Variants in RAPGEF1 observed in about 807,000 individuals in gnomAD.
The protein encoded by RAPGEF1 is Rap guanine nucleotide exchange factor 1, also known as CRK SH3-binding GNRP.
A neutral mutation model predicts 143.3 loss-of-function variants in RAPGEF1; 33 were observed. The ratio of observed to expected loss-of-function variants is 0.23; its 90% CI spans 0.17 to 0.31. The LOEUF is 0.31. Among genes scored for constraint, RAPGEF1 ranks in the 10% least tolerant of loss-of-function variants. The pLI is 1.00. For synonymous variants in RAPGEF1, 629 were observed against 676.5 expected (o/e 0.93, Z 1.09); for missense variants, 1,199 against 1,645.4 (o/e 0.73, Z 4.69).
intron 16 of RAPGEF1, 133 bp downstream of exon 16, chr9:131,598,066 C>T (rs913664100): frequency 6.8e-6 from 5 of 730,668 alleles, no homozygotes; most frequent in Non-Finnish European, 9.2e-6. Flanking sequence ...AGAGGCTCAC[C>T]AGGGGCATTG....
rs752799155 is a variant in RAPGEF1 at position 131,619,085 on chromosome 9, A to C, written c.2027T>G (p.Phe676Cys). Residue 676 changes from phenylalanine (F) to cysteine (C), a missense_variant, in exon 12 of 27, where the codon TTT becomes TGT. By Grantham distance (205) the Phe-to-Cys change is radical. Around this residue, in one of 6 missense-constraint regions of RAPGEF1, gnomAD observed 293 missense variants for 356.2 expected, o/e 0.82. Coordinates refer to ENST00000683357, the MANE Select transcript of RAPGEF1 (RefSeq NM_001377935.1). ...QGLSVSVSNSFLSRHGSLPVP... is the reference protein window; with the variant it reads ...QGLSVSVSNSCLSRHGSLPVP... ...GGGCAAGCTGCCGTGCCGGCTGAGA[A>C]AGGAGTTAGAGACGGACACACTGAG... 8 of 1,357,552 alleles carry C rather than the reference A, an allele frequency of 5.9e-6. No homozygotes were observed. In the Admixed American group the frequency reaches 1.6e-4, roughly 26 times the overall value. 84.1% of individuals were successfully genotyped at this position (1,357,552 alleles called of 1,614,324 possible).
At chr9:131,721,553 C>A (rs1244786198) in intron 1 of RAPGEF1, among the ~76,000 whole-genome samples, 1 of 152,176 alleles carries the variant, frequency 6.6e-6, no homozygotes, top group Non-Finnish European at 1.5e-5. Flanking sequence ...GTGTTCCAGG[C>A]ATCTATTGCC....
intron 1 of RAPGEF1, among the ~76,000 whole-genome samples, chr9:131,730,691 C>A (rs1836996153): frequency 3.4e-5 from 1 of 29,050 alleles, no homozygotes; most frequent in Non-Finnish European, 7.3e-5. Context: ...GAGTGAGACT[C>A]CATCTCAAAA....
chr9:131,622,650 C>G (rs1003996689), intron 10 of RAPGEF1, among the ~76,000 whole-genome samples: 3 of 152,182 alleles, frequency 2.0e-5, no homozygotes, highest in African/African-American at 7.2e-5. Context: ...CTTACTAGCT[C>G]CAACAAGCAC....
At chr9:131,671,857 C>T (rs1488655057) in intron 1 of RAPGEF1, among the ~76,000 whole-genome samples, 1 of 152,126 alleles carries the variant, frequency 6.6e-6, no homozygotes, top group East Asian at 1.9e-4. Context: ...CACAACCAAC[C>T]CATTTAGCAC....
intron 25 of RAPGEF1, among the ~76,000 whole-genome samples, chr9:131,582,353 C>T (rs1951993522): frequency 1.3e-5 from 2 of 151,268 alleles, no homozygotes; most frequent in Admixed American, 6.6e-5. Flanking sequence ...AAAGGAGAAC[C>T]CGTATTCTTC....
rs1952333951 is a variant in RAPGEF1, at chr9:131,584,205, C to T, written c.3414+106G>A. On this transcript the variant is annotated intron_variant, in intron 24 of 26. Transcript: ENST00000683357. This position sits in a 1 kb window ranked among gnomAD's most constrained non-coding sequence, Gnocchi z 6.8. ...TCGGTGGCAGAGCAGGGGCCTAGGC[C>T]CAGCATTTGCTCCAGTGGGAGCACT... The T allele has an allele frequency of 9.4e-6, 10 of 1,063,296 alleles. No homozygotes were observed. The highest frequency in any genetic ancestry group is 1.6e-5 in the African/African-American group (1 of 63,394). 65.9% of individuals were successfully genotyped at this position (1,063,296 alleles called of 1,614,324 possible). A position where few individuals can be genotyped will look rare whatever the true frequency, so the allele number is the denominator to read the frequency against.
rs1170991856 is a variant in RAPGEF1, at chr9:131,605,768, T to C, written c.2062-580A>G. Among the ~76,000 whole-genome samples the C allele has an allele frequency of 9.3e-3, 1,411 of 151,822 alleles. 40 individuals are homozygous for C. The highest frequency in any genetic ancestry group is 0.053 in the Admixed American group (805 of 15,220). On this transcript the variant is annotated intron_variant, in intron 12 of 26. Coordinates refer to ENST00000683357, the MANE Select transcript of RAPGEF1 (RefSeq NM_001377935.1). ...ATTTTTTTCTTTCTTTCTTTCTTTT[T>C]TTTTTTTTTTAACAAATGAAGTAGG...
chr9:131,709,702 A>G (rs1253784255), intron 1 of RAPGEF1: 3 of 1,613,758 alleles, frequency 1.9e-6, no homozygotes, highest in African/African-American at 1.3e-5. Flanking sequence ...CAGAGGACAC[A>G]GGGCCCTTCC....
intron 14 of RAPGEF1, 46 bp from the exon 15 acceptor site, chr9:131,602,195 G>A (rs1294215512): frequency 4.2e-6 from 6 of 1,417,996 alleles, no homozygotes; most frequent in African/African-American, 1.4e-5. Flanking sequence ...GGCCCTCTGC[G>A]GGGCTGCTCT....
At chr9:131,700,978 T>C (rs1299008371) in intron 1 of RAPGEF1, among the ~76,000 whole-genome samples, 1 of 152,162 alleles carries the variant, frequency 6.6e-6, no homozygotes, top group Non-Finnish European at 1.5e-5. Flanking sequence ...GACTTGGCAC[T>C]TTTAGAAGTT....
At chr9:131,734,903 C>A (rs1313345488) in intron 1 of RAPGEF1, among the ~76,000 whole-genome samples, 2 of 152,232 alleles carry the variant, frequency 1.3e-5, no homozygotes, top group African/African-American at 4.8e-5. Flanking sequence ...AGGCAGCGTG[C>A]TGGGCAAGCC....
At chr9:131,640,834 A>G (rs1967732325) in intron 4 of RAPGEF1, among the ~76,000 whole-genome samples, 1 of 152,204 alleles carries the variant, frequency 6.6e-6, no homozygotes, top group African/African-American at 2.4e-5. Flanking sequence ...AATGCAAAGC[A>G]TCTAAAAGGA....
At chr9:131,630,362 G>A (rs762146858) in intron 5 of RAPGEF1, 38 bp from the exon 6 acceptor site, 79 of 1,598,974 alleles carry the variant, frequency 4.9e-5, no homozygotes, top group South Asian at 7.7e-5. Context: ...CAAAGCTCCC[G>A]TCACCACTGA....
In RAPGEF1 at chr9:131,587,305, AACAC is replaced by A. The variant is rs71374114; in HGVS notation, c.3233+427_3233+430del. ...ACCTGCAGAGCGAGACTCCGTCTCA[AACAC>A]ACACACACACACACACACGAATTAA... is the stretch of plus-strand genomic sequence containing the variant. On this transcript the variant is annotated intron_variant, in intron 22 of 26. Coordinates refer to ENST00000683357, the MANE Select transcript of RAPGEF1 (RefSeq NM_001377935.1). Among the ~76,000 whole-genome samples, 412 of 88,462 alleles carry A rather than the reference AACAC, an allele frequency of 4.7e-3. 66 individuals carry two copies. The highest frequency in any genetic ancestry group is 0.016 in the African/African-American group (360 of 22,020). 58.0% of individuals were successfully genotyped at this position (88,462 alleles called of 152,430 possible). A position where few individuals can be genotyped will look rare whatever the true frequency, so the allele number is the denominator to read the frequency against.
At chr9:131,637,752 G>A (rs190739760) in intron 5 of RAPGEF1, among the ~76,000 whole-genome samples, 1 of 152,294 alleles carries the variant, frequency 6.6e-6, no homozygotes, top group African/African-American at 2.4e-5. Flanking sequence ...TATGTGTATT[G>A]ACTAGTGTAA....
At chr9:131,713,538 C>T (rs1483245653) in intron 1 of RAPGEF1, among the ~76,000 whole-genome samples, 1 of 152,198 alleles carries the variant, frequency 6.6e-6, no homozygotes, top group African/African-American at 2.4e-5. Flanking sequence ...TCTATGGGGG[C>T]ACTTCCTAGC....
At chr9:131,589,136 G>A (rs1953727430) in intron 19 of RAPGEF1, 150 bp from the exon 20 acceptor site, 1 of 720,864 alleles carries the variant, frequency 1.4e-6, no homozygotes, top group African/African-American at 1.8e-5. Flanking sequence ...GGAGACGAGA[G>A]CCTGGGATGG....
At chr9:131,694,940 C>A (rs1453180197) in intron 1 of RAPGEF1, among the ~76,000 whole-genome samples, 3 of 138,572 alleles carry the variant, frequency 2.2e-5, no homozygotes, top group African/African-American at 7.9e-5. Flanking sequence ...TAATGCTATC[C>A]CTTCCCCCTC....
Sources: gnomAD v4.1 joint callset for allele counts (sites outside exome capture counted in the v4.1 genomes callset) on GRCh38, gnomAD v4.1.1 for gene constraint, gnomAD v4.1.1 regional missense constraint, Gnocchi (gnomAD v3.1) non-coding constraint, MANE v1.5 for transcripts, NCBI Gene and HGNC (gene_info 2026-07-23, HGNC 2026-07-21) for gene names.